Variants in PCDHGB2 observed in about 807,000 individuals in gnomAD.
PCDHGB2 encodes the protein protocadherin gamma-B2.
PCDHGB2 carries 55 observed loss-of-function variants against 59.3 expected under a neutral mutation model. The observed-to-expected ratio is 0.93, with a 90% confidence interval of 0.75 to 1.16. The LOEUF is 1.16. Among genes scored for constraint, PCDHGB2 ranks in the 50% most tolerant of loss-of-function variants. The pLI is 0.00. For missense variants in PCDHGB2, 1,228 were observed against 1,198.5 expected, an observed-to-expected ratio of 1.02 and a Z score of -0.36; for synonymous variants, 516 against 512.0, an observed-to-expected ratio of 1.01 and a Z score of -0.11.
intron 1 of PCDHGB2, chr5:141,399,694 A>G (rs1467163302): frequency 1.9e-6 from 3 of 1,613,454 alleles, no homozygotes; most frequent in Admixed American, 1.7e-5. Flanking sequence ...GCAGCTGCGC[A>G]CCTTCGAACT....
chr5:141,490,336 G>T lies in PCDHGB2; in HGVS notation c.2422-4471G>T. 2 of 1,614,224 alleles carry T rather than the reference G, an allele frequency of 1.2e-6. No individual in the cohort carries two copies. The highest frequency in any genetic ancestry group is 8.5e-7 in the Non-Finnish European group (1 of 1,180,040). ...CCCTGTCCTAGAGAGCACACCAGTGGGCACAGTAGTGGGGTTGTTTAATGT... is the reference window on the plus strand; with the variant it reads ...CCCTGTCCTAGAGAGCACACCAGTGTGCACAGTAGTGGGGTTGTTTAATGT... On this transcript the variant is annotated intron_variant, in intron 1 of 3. Transcript: ENST00000522605. This position sits in a 1 kb window ranked among gnomAD's most constrained non-coding sequence, Gnocchi z 5.4.
chr5:141,418,079 C>A, intron 1 of PCDHGB2: 1 of 1,614,048 alleles, frequency 6.2e-7, no homozygotes, highest in Non-Finnish European at 8.5e-7. Context: ...GGAGAAGCTG[C>A]ACTTCAGCGT....
chr5:141,410,180 C>G (rs776702898), intron 1 of PCDHGB2: 43 of 1,613,802 alleles, frequency 2.7e-5, no homozygotes, highest in Non-Finnish European at 3.4e-5. Context: ...CACCGCCACG[C>G]TTCATCTGGT....
intron 1 of PCDHGB2, among the ~76,000 whole-genome samples, chr5:141,406,188 T>C (rs1313997032): frequency 6.6e-6 from 1 of 151,612 alleles, no homozygotes; most frequent in African/African-American, 2.4e-5. Flanking sequence ...TCCTCCCACC[T>C]CAGCCTTCAC....
At position 141,490,558 on chromosome 5, in the gene PCDHGB2, A is replaced by G. The variant is rs765890709; in HGVS notation, c.2422-4249A>G. 3.1e-5 allele frequency: 50 copies of G among 1,614,042 alleles called. No individual in the cohort carries two copies. The East Asian group carries it at 1.0e-3, about 34-fold the overall frequency. ...ACCTTCCCTACACAAACATCTCACC[A>G]TCAGGCTCAACATTTCAGATGTCAA... On this transcript the variant is annotated intron_variant, in intron 1 of 3. Transcript: ENST00000522605. This position sits in a 1 kb window ranked among gnomAD's most constrained non-coding sequence, Gnocchi z 5.4.
At chr5:141,384,679 G>A (rs773664166) in intron 1 of PCDHGB2, 33 of 1,614,216 alleles carry the variant, frequency 2.0e-5, no homozygotes, top group Non-Finnish European at 2.7e-5. Flanking sequence ...GGTGGTGGCG[G>A]TGGACAAAGA....
chr5:141,414,377 C>T (rs2095740461), intron 1 of PCDHGB2: 1 of 1,613,760 alleles, frequency 6.2e-7, no homozygotes, highest in South Asian at 1.1e-5. Context: ...TTAGAAAAGT[C>T]CATTGACAGT....
chr5:141,472,980 C>CAAAAAAAAAAAAAAAAGAAAAAAAAA (rs2099308501), intron 1 of PCDHGB2, among the ~76,000 whole-genome samples: 1 of 86,106 alleles, frequency 1.2e-5, no homozygotes, highest in Non-Finnish European at 2.5e-5. Context: ...GAGTGAAACT[C>CAAAAAAAAAAAAAAAAGAAAAAAAAA]AAAAAAAAAA....
intron 1 of PCDHGB2, chr5:141,416,848 G>A (rs2154546681): frequency 1.3e-5 from 2 of 152,166 alleles, no homozygotes; most frequent in East Asian, 3.9e-4. Flanking sequence ...ATAATTCCAT[G>A]ATTTTTTTCA....
chr5:141,449,645 A>G (rs1331667429), intron 1 of PCDHGB2, among the ~76,000 whole-genome samples: 1 of 151,128 alleles, frequency 6.6e-6, no homozygotes, highest in African/African-American at 2.4e-5. Context: ...CTATATATAC[A>G]TATTTACATA....
chr5:141,397,986 C>G, intron 1 of PCDHGB2: 2 of 1,316,082 alleles, frequency 1.5e-6, no homozygotes, highest in Non-Finnish European at 2.1e-6. Flanking sequence ...GCCTTTACAC[C>G]GCTTCCTCCT....
At chr5:141,417,826 A>T in intron 1 of PCDHGB2, 1 of 1,519,618 alleles carries the variant, frequency 6.6e-7, no homozygotes. Flanking sequence ...CTCCAACTGG[A>T]AAAGCGGGGA....
chr5:141,374,534 C>T (rs868822562), intron 1 of PCDHGB2: 2 of 1,613,096 alleles, frequency 1.2e-6, no homozygotes, highest in Non-Finnish European at 1.7e-6. Flanking sequence ...TCCATCCTCT[C>T]GTTTTCCACT....
intron 1 of PCDHGB2, chr5:141,424,767 A>T (rs139479155): frequency 2.9e-4 from 44 of 152,290 alleles, no homozygotes; most frequent in African/African-American, 1.0e-3. Flanking sequence ...TTCTTATGGC[A>T]AATAGTACAT....
chr5:141,458,825 C>A (rs1417477907), intron 1 of PCDHGB2, among the ~76,000 whole-genome samples: 1 of 152,102 alleles, frequency 6.6e-6, no homozygotes, highest in Non-Finnish European at 1.5e-5. Context: ...CTCTGCCTCC[C>A]AGGCTCAAGT....
intron 1 of PCDHGB2, chr5:141,404,365 C>A: frequency 6.2e-7 from 1 of 1,613,936 alleles, no homozygotes; most frequent in South Asian, 1.1e-5. Context: ...GTACTTCCAT[C>A]TTCTCCGTGA....
chr5:141,411,868 A>G (rs2095520425), intron 1 of PCDHGB2: 1 of 152,224 alleles, frequency 6.6e-6, no homozygotes, highest in South Asian at 2.1e-4. Flanking sequence ...TCAAAAAAAA[A>G]AGACATTTCT....
chr5:141,454,860 T>G (rs62379170), intron 1 of PCDHGB2, among the ~76,000 whole-genome samples: 5,850 of 133,200 alleles, frequency 0.044, 153 homozygotes, highest in Middle Eastern at 0.11. Context: ...CAGGCTGGAG[T>G]GCAGTGGCAC....
intron 1 of PCDHGB2, chr5:141,375,266 G>C: frequency 6.2e-7 from 1 of 1,613,846 alleles, no homozygotes. Flanking sequence ...ATTTGAATTG[G>C]AAAAATCAGT....
Sources: gnomAD v4.1 joint callset for allele counts (sites outside exome capture counted in the v4.1 genomes callset) on GRCh38, gnomAD v4.1.1 for gene constraint, Gnocchi (gnomAD v3.1) non-coding constraint, MANE v1.5 for transcripts, NCBI Gene and HGNC (gene_info 2026-07-23, HGNC 2026-07-21) for gene names.